Variants in MACROD2 observed in about 807,000 individuals in gnomAD.
The protein encoded by MACROD2 is mono-ADP ribosylhydrolase 2.
MACROD2 carries 36 observed loss-of-function variants against 70.4 expected under a neutral mutation model. The observed-to-expected ratio is 0.51, with a 90% CI of 0.39 to 0.68. MACROD2 has a LOEUF of 0.68. MACROD2 is among the 30% of genes least tolerant of loss of function. MACROD2 has a pLI of 0.00. For missense variants in MACROD2, 496 were observed against 538.4 expected (o/e 0.92, Z 0.78); for synonymous variants, 172 against 178.8 (o/e 0.96, Z 0.30).
chr20:15,236,923 C>CT (rs1227276964), intron 6 of MACROD2, among the ~76,000 whole-genome samples: 3 of 151,974 alleles, frequency 2.0e-5, no homozygotes, highest in Non-Finnish European at 2.9e-5. Flanking sequence ...TATTATGTGC[C>CT]TTTTTTTGTC....
Position 14,063,891 on chromosome 20 carries a change from T to G in MACROD2, c.164-21730T>G, listed in dbSNP as rs143081848. On this transcript the variant is annotated intron_variant, in intron 2 of 17. Coordinates refer to ENST00000684519, the MANE Select transcript of MACROD2 (RefSeq NM_001351661.2). ...TAAGTTGTGTACCACCACACCCGGC[T>G]AATTTTTGTATACTTTGTGGAGACA... Among the ~76,000 whole-genome samples the G allele has an allele frequency of 5.3e-5, 8 of 152,190 alleles. No homozygotes were observed. In the East Asian group the frequency reaches 1.5e-3, roughly 29 times the overall value.
At chr20:14,396,682 T>C (rs2083582938) in intron 3 of MACROD2, among the ~76,000 whole-genome samples, 1 of 151,952 alleles carries the variant, frequency 6.6e-6, no homozygotes, top group Non-Finnish European at 1.5e-5. Flanking sequence ...TCCCAGCACT[T>C]TGGGAGGCTG....
chr20:15,308,523 T>A (rs1346219004), intron 6 of MACROD2, among the ~76,000 whole-genome samples: 1 of 152,216 alleles, frequency 6.6e-6, no homozygotes, highest in Non-Finnish European at 1.5e-5. Context: ...TAGATTTGAT[T>A]AGAAATTTTG....
At chr20:15,172,079 A>G (rs1430467106) in intron 5 of MACROD2, among the ~76,000 whole-genome samples, 1 of 152,254 alleles carries the variant, frequency 6.6e-6, no homozygotes, top group Non-Finnish European at 1.5e-5. Flanking sequence ...CCTAAGCTCA[A>G]GATGGTTTCC....
At chr20:15,147,024 A>G (rs1474769259) in intron 5 of MACROD2, among the ~76,000 whole-genome samples, 7 of 152,270 alleles carry the variant, frequency 4.6e-5, no homozygotes, top group South Asian at 2.1e-4. Context: ...TTTTGAGAAC[A>G]GGATAACCCT....
rs11468899 is a variant in MACROD2 at position 15,095,861 on chromosome 20, T to TTGTG, written c.419-134051_419-134048dup. Among the ~76,000 whole-genome samples, 410 of 148,574 alleles carry TTGTG rather than the reference T, an allele frequency of 2.8e-3. 2 individuals carry two copies. Among genetic ancestry groups the TTGTG allele is most frequent in the African/African-American group, 7.9e-3 (321 of 40,408 alleles). On this transcript the variant is annotated intron_variant, in intron 5 of 17. Coordinates refer to ENST00000684519, the MANE Select transcript of MACROD2 (RefSeq NM_001351661.2). ...TTATGTTTGAATAACACCATGTTGTTTGTGTGTGTGTGTGTGTGTGTGTGT... is the reference window on the plus strand; with the variant it reads ...TTATGTTTGAATAACACCATGTTGTTTGTGTGTGTGTGTGTGTGTGTGTGTGTGT...
rs151068801 is a variant in MACROD2 at position 15,365,448 on chromosome 20, G to A, written c.541-65957G>A. ...TGGGAGGCCAAGGCGGGTGGATCAC[G>A]AGGTCTGGAGATTGAGATCATCCTG... On this transcript the variant is annotated intron_variant, in intron 6 of 17. Transcript: ENST00000684519. Among the ~76,000 whole-genome samples, 60 of 152,048 alleles carry A rather than the reference G, an allele frequency of 3.9e-4. 1 individual carries two copies. The East Asian group carries it at 0.011, about 28-fold the overall frequency.
At chr20:14,614,096 G>T (rs769419193) in intron 4 of MACROD2, among the ~76,000 whole-genome samples, 1 of 152,118 alleles carries the variant, frequency 6.6e-6, no homozygotes, top group Non-Finnish European at 1.5e-5. Context: ...AAGTGAGGAA[G>T]TAGAGTAGTT....
intron 5 of MACROD2, among the ~76,000 whole-genome samples, chr20:14,997,544 G>C (rs2074960284): frequency 6.6e-6 from 1 of 152,144 alleles, no homozygotes; most frequent in Non-Finnish European, 1.5e-5. Context: ...GGTTAAGAAG[G>C]ACTTTGTCTT....
intron 8 of MACROD2, among the ~76,000 whole-genome samples, chr20:15,719,427 A>G (rs2050753527): frequency 6.6e-6 from 1 of 152,182 alleles, no homozygotes; most frequent in Admixed American, 6.5e-5. Flanking sequence ...GAAGTCATCT[A>G]TTTGGTGATT....
intron 6 of MACROD2, among the ~76,000 whole-genome samples, chr20:15,365,415 C>T (rs2045394401): frequency 6.6e-6 from 1 of 152,066 alleles, no homozygotes; most frequent in Admixed American, 6.6e-5. Context: ...CCTGTAATCC[C>T]AGCCCTTTGG....
chr20:15,236,765 A>G (rs950706478), intron 6 of MACROD2, among the ~76,000 whole-genome samples: 1 of 152,184 alleles, frequency 6.6e-6, no homozygotes, highest in East Asian at 1.9e-4. Context: ...CTAACCTGCC[A>G]TCTGTAGGTT....
At chr20:15,868,603 CTTTTT>C (rs5840688) in intron 9 of MACROD2, among the ~76,000 whole-genome samples, 2 of 135,566 alleles carry the variant, frequency 1.5e-5, no homozygotes, top group Non-Finnish European at 3.1e-5. Flanking sequence ...TAATACTTTT[CTTTTT>C]TTTTTTTTTT....
chr20:14,348,594 C>G (rs2083088665), intron 3 of MACROD2, among the ~76,000 whole-genome samples: 1 of 151,810 alleles, frequency 6.6e-6, no homozygotes. Flanking sequence ...AGGAAAACCA[C>G]CAATTGTCCT....
intron 8 of MACROD2, among the ~76,000 whole-genome samples, chr20:15,560,270 T>C (rs980865167): frequency 7.9e-5 from 12 of 152,190 alleles, no homozygotes; most frequent in Admixed American, 6.5e-5. Flanking sequence ...CCTGAGGAAA[T>C]TTAGGTGAGT....
chr20:15,719,689 T>A (rs535674595), intron 8 of MACROD2, among the ~76,000 whole-genome samples: 2 of 152,308 alleles, frequency 1.3e-5, no homozygotes, highest in South Asian at 4.1e-4. Context: ...TAATTGTACA[T>A]ATTTACGGGG....
intron 3 of MACROD2, among the ~76,000 whole-genome samples, chr20:14,268,289 A>T (rs77929000): frequency 6.6e-6 from 1 of 152,268 alleles, no homozygotes; most frequent in East Asian, 1.9e-4. Flanking sequence ...TACTCTATTC[A>T]TATTCAAATT....
In MACROD2 at chr20:14,217,598, TG is replaced by T. The variant is rs550924673; in HGVS notation, c.271+131871del. 2.7e-3 allele frequency among the ~76,000 whole-genome samples: 418 copies of T among 152,292 alleles called. 1 individual carries two copies. Among genetic ancestry groups the T allele is most frequent in the African/African-American group, 9.4e-3 (392 of 41,574 alleles). ...AAAAGGATTGGTACCAATTCTTTTT[TG>T]AATGTCTGGTAGAATTCTGCTGTGA... is the stretch of plus-strand genomic sequence containing the variant. On this transcript the variant is annotated intron_variant, in intron 3 of 17. Coordinates refer to ENST00000684519, the MANE Select transcript of MACROD2 (RefSeq NM_001351661.2).
At chr20:15,400,747 A>G (rs1488578335) in intron 6 of MACROD2, among the ~76,000 whole-genome samples, 3 of 152,188 alleles carry the variant, frequency 2.0e-5, no homozygotes, top group African/African-American at 4.8e-5. Context: ...CCAATAAATG[A>G]ACACATTTGC....
Sources: gnomAD v4.1 joint callset for allele counts (sites outside exome capture counted in the v4.1 genomes callset) on GRCh38, gnomAD v4.1.1 for gene constraint, MANE v1.5 for transcripts, NCBI Gene and HGNC (gene_info 2026-07-23, HGNC 2026-07-21) for gene names.